The following TRPC4 variants were observed in gnomAD, a reference collection of about 807,000 sequenced individuals.
TRPC4 encodes short transient receptor potential channel 4.
A neutral mutation model predicts 99.4 loss-of-function variants in TRPC4; 49 were observed. The observed-to-expected ratio is 0.49, with a 90% confidence interval of 0.39 to 0.63. The LOEUF (loss-of-function observed/expected upper bound fraction) is 0.63. Among genes scored for constraint, TRPC4 ranks in the 20% least tolerant of loss-of-function variants. TRPC4 has a pLI of 0.00. For synonymous variants in TRPC4, 454 were observed against 425.9 expected, an observed-to-expected ratio of 1.07 and a Z score of -0.81; for missense variants, 898 against 1,152.9, an observed-to-expected ratio of 0.78 and a Z score of 3.20.
At chr13:37,742,882 T>C (rs1309766669) in intron 3 of TRPC4, among the ~76,000 whole-genome samples, 2 of 152,188 alleles carry the variant, frequency 1.3e-5, no homozygotes, top group East Asian at 3.9e-4. Context: ...CTTATGATTT[T>C]AAAAGGTATA....
intron 5 of TRPC4, among the ~76,000 whole-genome samples, chr13:37,668,608 G>A (rs1952729527): frequency 6.6e-6 from 1 of 152,152 alleles, no homozygotes; most frequent in Non-Finnish European, 1.5e-5. Flanking sequence ...AAGAGAGAAA[G>A]ATGAACTGAA....
At chr13:37,798,370 A>C (rs895822342) in intron 1 of TRPC4, among the ~76,000 whole-genome samples, 1 of 152,134 alleles carries the variant, frequency 6.6e-6, no homozygotes, top group African/African-American at 2.4e-5. Context: ...ATCTACTCTA[A>C]CAGTTATTAT....
At chr13:37,672,703 CT>C (rs1277219560) in intron 5 of TRPC4, among the ~76,000 whole-genome samples, 2 of 152,182 alleles carry the variant, frequency 1.3e-5, no homozygotes, top group African/African-American at 4.8e-5. Context: ...GAGCTAGGCG[CT>C]TAATCACAGA....
At chr13:37,864,487 C>T (rs1393023019) in intron 1 of TRPC4, among the ~76,000 whole-genome samples, 1 of 151,550 alleles carries the variant, frequency 6.6e-6, no homozygotes, top group African/African-American at 2.4e-5. Context: ...GCAACATTAT[C>T]ACAATTGGCA....
intron 1 of TRPC4, among the ~76,000 whole-genome samples, chr13:37,791,023 TTAGTC>T (rs532853205): frequency 2.4e-4 from 36 of 152,064 alleles, no homozygotes; most frequent in Non-Finnish European, 5.1e-4. Flanking sequence ...AGGAATAACA[TTAGTC>T]TAGTGCATAT....
intron 3 of TRPC4, among the ~76,000 whole-genome samples, chr13:37,715,433 G>T (rs1187115959): frequency 1.3e-5 from 2 of 152,210 alleles, no homozygotes; most frequent in Admixed American, 6.5e-5. Context: ...GAGCCAGAAA[G>T]ATCTGTCTTT....
At chr13:37,644,465 T>C (rs4387481) in intron 8 of TRPC4, among the ~76,000 whole-genome samples, 149,828 of 152,250 alleles carry the variant, frequency 0.98, 73,768 homozygotes, top group East Asian at 1. Flanking sequence ...ACTGTGTTTT[T>C]TAATTTTACT....
intron 1 of TRPC4, among the ~76,000 whole-genome samples, chr13:37,862,599 T>G (rs1255749198): frequency 6.6e-6 from 1 of 151,674 alleles, no homozygotes; most frequent in African/African-American, 2.4e-5. Flanking sequence ...TAATTTATGT[T>G]ATTTATTTAA....
At chr13:37,759,902 T>C (rs982416968) in intron 2 of TRPC4, among the ~76,000 whole-genome samples, 3 of 152,128 alleles carry the variant, frequency 2.0e-5, no homozygotes, top group African/African-American at 7.2e-5. Context: ...TGATGGAAAT[T>C]TGGACATCAC....
At chr13:37,817,461 A>T (rs1454264151) in intron 1 of TRPC4, among the ~76,000 whole-genome samples, 1 of 152,076 alleles carries the variant, frequency 6.6e-6, no homozygotes, top group African/African-American at 2.4e-5. Flanking sequence ...AAAGCAAGTT[A>T]TAGATTCAAT....
intron 1 of TRPC4, among the ~76,000 whole-genome samples, chr13:37,806,559 G>T (rs762177504): frequency 2.0e-5 from 3 of 151,994 alleles, no homozygotes; most frequent in Non-Finnish European, 4.4e-5. Context: ...AACCATATAT[G>T]CTGGGCATGT....
At chr13:37,761,573 A>T (rs1956222068) in intron 2 of TRPC4, among the ~76,000 whole-genome samples, 1 of 151,948 alleles carries the variant, frequency 6.6e-6, no homozygotes, top group Admixed American at 6.6e-5. Context: ...TTTCTCATTA[A>T]GGAACAAGAA....
At chr13:37,643,038 G>C (rs1295283576) in intron 8 of TRPC4, among the ~76,000 whole-genome samples, 1 of 151,984 alleles carries the variant, frequency 6.6e-6, no homozygotes. Flanking sequence ...CCAGAAATAC[G>C]ATTCTTTTAC....
In TRPC4 at chr13:37,677,323, T is replaced by C. The variant is rs576564911; in HGVS notation, c.1235-2956A>G. ...AAGAACAGATAGCAATGGGGGTAGG[T>C]TTCCAGTTTACCCATATCATAATTA... On this transcript the variant is annotated intron_variant, in intron 4 of 10. Transcript: ENST00000379705. Among the ~76,000 whole-genome samples the C allele has an allele frequency of 2.0e-5, 3 of 151,938 alleles. No individual in the cohort carries two copies. The South Asian group carries it at 6.2e-4, about 32-fold the overall frequency.
intron 1 of TRPC4, among the ~76,000 whole-genome samples, chr13:37,860,824 C>A (rs1959259239): frequency 6.6e-6 from 1 of 151,392 alleles, no homozygotes; most frequent in South Asian, 2.1e-4. Flanking sequence ...ATTTGTAGGA[C>A]TGATGGAGTG....
At chr13:37,657,609 T>G (rs1240349478) in intron 6 of TRPC4, among the ~76,000 whole-genome samples, 4 of 152,196 alleles carry the variant, frequency 2.6e-5, no homozygotes, top group African/African-American at 9.6e-5. Flanking sequence ...AAGTTAAATA[T>G]TATAAGTTAT....
intron 3 of TRPC4, among the ~76,000 whole-genome samples, chr13:37,692,948 G>A (rs147025940): frequency 5.3e-5 from 8 of 152,128 alleles, no homozygotes; most frequent in African/African-American, 1.2e-4. Context: ...AGCTTAATTC[G>A]GTATAAACAA....
intron 1 of TRPC4, among the ~76,000 whole-genome samples, chr13:37,837,073 G>A (rs943792707): frequency 2.6e-5 from 4 of 152,216 alleles, no homozygotes; most frequent in African/African-American, 9.6e-5. Flanking sequence ...ATGGTGTTGA[G>A]CTTTCCAGTG....
chr13:37,638,764 CA>C (rs1184521669), intron 10 of TRPC4, among the ~76,000 whole-genome samples: 1 of 152,142 alleles, frequency 6.6e-6, no homozygotes, highest in East Asian at 1.9e-4. Context: ...GCTGAAATTT[CA>C]GAAACAGAAG....
Sources: allele counts gnomAD v4.1 joint callset (sites outside exome capture counted in the v4.1 genomes callset), GRCh38; gene constraint gnomAD v4.1.1; transcripts MANE v1.5; gene names NCBI Gene and HGNC (gene_info 2026-07-23, HGNC 2026-07-21).